OSBPL9: variants seen among roughly 807,000 people sequenced by gnomAD.
OSBPL9 encodes the protein oxysterol-binding protein-related protein 9.
Under a neutral mutation model 106.6 loss-of-function variants are expected in OSBPL9, and 40 were observed. The ratio of observed to expected loss-of-function variants is 0.38; its 90% CI spans 0.29 to 0.49. The LOEUF (loss-of-function observed/expected upper bound fraction) is 0.49, where lower values mean the gene tolerates loss of function less well. Ranked by LOEUF, OSBPL9 falls within the 20% of genes least tolerant of loss-of-function variation. OSBPL9 has a pLI of 0.97. For synonymous variants in OSBPL9, 269 were observed against 295.4 expected (o/e 0.91, Z 0.92); for missense variants, 609 against 887.2 (o/e 0.69, Z 3.98).
At chr1:51,604,086 C>T (rs546219772) in intron 2 of OSBPL9, among the ~76,000 whole-genome samples, 4 of 152,100 alleles carry the variant, frequency 2.6e-5, no homozygotes, top group Admixed American at 2.6e-4. Context: ...GTTCCCTGGT[C>T]AGAAAGAAAG....
intron 1 of OSBPL9, among the ~76,000 whole-genome samples, chr1:51,581,022 G>T (rs1645219103): frequency 1.4e-5 from 2 of 138,852 alleles, no homozygotes; most frequent in African/African-American, 5.3e-5. Flanking sequence ...TTTACTCACT[G>T]CAACCTTGTC....
chr1:51,530,193 C>CAAAAAAAAAAAAAAAAAAAAAA, the OSBPL9 span, among the ~76,000 whole-genome samples: 2 of 55,636 alleles, frequency 3.6e-5, no homozygotes, highest in Non-Finnish European at 6.6e-5. Flanking sequence ...AAAAAAAAAA[C>CAAAAAAAAAAAAAAAAAAAAAA]AAAAAAAAAA....
At chr1:51,671,956 C>G (rs1649976612) in intron 3 of OSBPL9, among the ~76,000 whole-genome samples, 1 of 152,094 alleles carries the variant, frequency 6.6e-6, no homozygotes, top group South Asian at 2.1e-4. Context: ...GTAGTTTATA[C>G]TCATATATTT....
At chr1:51,739,506 T>A (rs1329809773) in intron 4 of OSBPL9, among the ~76,000 whole-genome samples, 1 of 151,984 alleles carries the variant, frequency 6.6e-6, no homozygotes, top group Non-Finnish European at 1.5e-5. Flanking sequence ...ACAGCTACCA[T>A]GTTGACAATA....
At chr1:51,614,040 C>T (rs1274780937), upstream of OSBPL9, among the ~76,000 whole-genome samples, 1 of 152,122 alleles carries the variant, frequency 6.6e-6, no homozygotes, top group Non-Finnish European at 1.5e-5. Flanking sequence ...ACCTTGGATT[C>T]CCAAAGTGCT....
intron 1 of OSBPL9, among the ~76,000 whole-genome samples, chr1:51,581,263 T>C (rs1188117721): frequency 1.3e-5 from 2 of 151,846 alleles, no homozygotes; most frequent in Non-Finnish European, 2.9e-5. Flanking sequence ...TGTTTTTCTC[T>C]TGGTTAGATA....
chr1:51,644,387 C>T (rs533461744), intron 1 of OSBPL9, among the ~76,000 whole-genome samples: 12 of 152,126 alleles, frequency 7.9e-5, no homozygotes, highest in African/African-American at 1.7e-4. Flanking sequence ...AGTGTAGTGG[C>T]GCAATCTCGG....
intron 1 of OSBPL9, among the ~76,000 whole-genome samples, chr1:51,591,372 A>G (rs1244118421): frequency 2.0e-5 from 3 of 152,174 alleles, no homozygotes; most frequent in African/African-American, 4.8e-5. Context: ...ACCCCTGCCC[A>G]CTCTTTAATT....
chr1:51,719,734 A>G (rs1034303375), intron 4 of OSBPL9, among the ~76,000 whole-genome samples: 1 of 152,226 alleles, frequency 6.6e-6, no homozygotes, highest in African/African-American at 2.4e-5. Context: ...TAATGTGGGC[A>G]AACATAAAGC....
chr1:51,596,494 G>A (rs1396909618), intron 1 of OSBPL9, among the ~76,000 whole-genome samples: 7 of 149,842 alleles, frequency 4.7e-5, no homozygotes, highest in African/African-American at 1.7e-4. Flanking sequence ...AGGAGGTGGA[G>A]GTTGCAGCGA....
upstream of OSBPL9, among the ~76,000 whole-genome samples, chr1:51,612,378 G>A (rs1349382781): frequency 1.3e-5 from 2 of 152,222 alleles, no homozygotes; most frequent in East Asian, 1.9e-4. Context: ...TGTCCTTGAC[G>A]AGTTTTTGAT....
the OSBPL9 span, chr1:51,519,172 G>T: frequency 7.0e-7 from 1 of 1,433,350 alleles, no homozygotes; most frequent in South Asian, 1.5e-5. Flanking sequence ...GGCCGGCCAA[G>T]CCCGGCGGAC....
chr1:51,566,622 T>C, the OSBPL9 span: 1 of 152,206 alleles, frequency 6.6e-6, no homozygotes, highest in African/African-American at 2.4e-5. Flanking sequence ...AGACCCTCAG[T>C]TCCCTGAATG....
chr1:51,725,798 C>G (rs1663006327), intron 4 of OSBPL9, among the ~76,000 whole-genome samples: 1 of 152,116 alleles, frequency 6.6e-6, no homozygotes. Context: ...AGGTAAAACT[C>G]ACAAAACTGT....
chr1:51,700,743 A>C (rs1003718571), intron 3 of OSBPL9, among the ~76,000 whole-genome samples: 1 of 152,094 alleles, frequency 6.6e-6, no homozygotes, highest in Non-Finnish European at 1.5e-5. Context: ...TTCCATTGTA[A>C]AATTATTATT....
chr1:51,663,316 G>GTGTA, intron 2 of OSBPL9, among the ~76,000 whole-genome samples: 1 of 147,146 alleles, frequency 6.8e-6, no homozygotes, highest in East Asian at 1.9e-4. Flanking sequence ...GTGTGTGTGT[G>GTGTA]TGTGTGTGTA....
At chr1:51,627,869 C>T (rs187157419) in intron 1 of OSBPL9, among the ~76,000 whole-genome samples, 7 of 152,276 alleles carry the variant, frequency 4.6e-5, no homozygotes, top group Non-Finnish European at 7.4e-5. Context: ...AGCAGAGGTC[C>T]CCAGTGATAG....
chr1:51,729,902 G>A lies in OSBPL9; in HGVS notation c.319-15634G>A. On this transcript the variant is annotated intron_variant, in intron 4 of 23. Transcript: ENST00000428468. The surrounding 1 kb of genome is among the most constrained non-coding windows in gnomAD (Gnocchi z 5.1). ...CAGTCCGGGGATCGGGTCGAGGGGAGAAGAAAAAGGGGTGCTCGGGAGCAG... is the reference window on the plus strand; with the variant it reads ...CAGTCCGGGGATCGGGTCGAGGGGAAAAGAAAAAGGGGTGCTCGGGAGCAG... 3.1e-6 allele frequency: 4 copies of A among 1,277,964 alleles called. No homozygotes were observed. Among genetic ancestry groups the A allele is most frequent in the Non-Finnish European group, 4.0e-6 (4 of 1,004,456 alleles). 79.2% of individuals were successfully genotyped at this position (1,277,964 alleles called of 1,614,324 possible).
At chr1:51,730,056 G>C in intron 4 of OSBPL9, 1 of 1,284,140 alleles carries the variant, frequency 7.8e-7, no homozygotes, top group South Asian at 3.6e-5. Context: ...CTGAGTCCCC[G>C]GGGTCCCGGC....
Sources: allele counts gnomAD v4.1 joint callset (sites outside exome capture counted in the v4.1 genomes callset), GRCh38; gene constraint gnomAD v4.1.1; non-coding constraint Gnocchi (gnomAD v3.1); transcripts MANE v1.5; gene names NCBI Gene and HGNC (gene_info 2026-07-23, HGNC 2026-07-21).